N4BP2: variants seen among roughly 807,000 people sequenced by gnomAD.
N4BP2 encodes NEDD4-binding protein 2.
N4BP2 carries 91 observed loss-of-function variants against 152.8 expected under a neutral mutation model. That is an observed-to-expected ratio of 0.60 (90% confidence interval 0.50 to 0.71). The LOEUF (loss-of-function observed/expected upper bound fraction) is 0.71. Ranked by LOEUF, N4BP2 falls within the 30% of genes least tolerant of loss-of-function variation. The pLI, the probability that N4BP2 is intolerant of heterozygous loss-of-function variation, is 0.00. For missense variants in N4BP2, 1,923 were observed against 2,059.1 expected (o/e 0.93, Z 1.28); for synonymous variants, 646 against 705.3 (o/e 0.92, Z 1.33).
chr4:40,171,028 C>G, the N4BP2 span, among the ~76,000 whole-genome samples: 1 of 152,262 alleles, frequency 6.6e-6, no homozygotes, highest in African/African-American at 2.4e-5. Context: ...AATATTTCAG[C>G]AAAAGCAGAT....
intron 2 of N4BP2, among the ~76,000 whole-genome samples, chr4:40,088,954 TG>T (rs1376018138): frequency 3.3e-5 from 5 of 152,160 alleles, no homozygotes; most frequent in East Asian, 3.9e-4. Flanking sequence ...TTGTTTTTTT[TG>T]TGTGTGTTTT....
At chr4:40,154,100 T>A in intron 17 of N4BP2, 92 bp from the exon 18 acceptor site, 1 of 850,744 alleles carries the variant, frequency 1.2e-6, no homozygotes, top group Non-Finnish European at 1.9e-6. Context: ...AATATTATAT[T>A]AAGCGTAGGT....
chr4:40,126,450 T>C (rs1718418721), intron 12 of N4BP2, 120 bp downstream of exon 12: 1 of 524,728 alleles, frequency 1.9e-6, no homozygotes, highest in Admixed American at 4.1e-5. Context: ...TGATTGAATT[T>C]AATGTTAAAA....
At chr4:40,074,211 C>T (rs1712496765) in intron 2 of N4BP2, among the ~76,000 whole-genome samples, 1 of 110,302 alleles carries the variant, frequency 9.1e-6, no homozygotes, top group South Asian at 2.7e-4. Flanking sequence ...CTGCCTCAGC[C>T]TCCCAAGTAG....
chr4:40,059,771 G>A (rs537963769), intron 1 of N4BP2, among the ~76,000 whole-genome samples: 5 of 152,266 alleles, frequency 3.3e-5, no homozygotes, highest in African/African-American at 1.2e-4. Flanking sequence ...TTATGTGTAT[G>A]TACACACACA....
At chr4:40,084,431 G>A (rs146100707) in intron 2 of N4BP2, among the ~76,000 whole-genome samples, 1 of 142,318 alleles carries the variant, frequency 7.0e-6, no homozygotes, top group Non-Finnish European at 1.5e-5. Flanking sequence ...TGCCTGGTTT[G>A]AGATTTTTTT....
intron 4 of N4BP2, among the ~76,000 whole-genome samples, chr4:40,104,774 A>T (rs1716076324): frequency 6.6e-6 from 1 of 151,754 alleles, no homozygotes; most frequent in African/African-American, 2.4e-5. Flanking sequence ...GAGAAATAAC[A>T]GGAAGAGTGT....
chr4:40,060,833 G>T (rs889747536), intron 1 of N4BP2, among the ~76,000 whole-genome samples: 2 of 152,072 alleles, frequency 1.3e-5, no homozygotes, highest in Admixed American at 6.6e-5. Flanking sequence ...ACAAACTTGT[G>T]GGCTCAAGCA....
Position 40,154,359 on chromosome 4 carries a change from CAA to C in N4BP2, c.*128_*129del, listed in dbSNP as rs1325923138. 3 of 568,854 alleles carry C rather than the reference CAA, an allele frequency of 5.3e-6. No individual in the cohort carries two copies. The highest frequency in any genetic ancestry group is 2.0e-5 in the African/African-American group (1 of 50,546). 35.2% of individuals were successfully genotyped at this position (568,854 alleles called of 1,614,324 possible). On this transcript the variant is annotated 3_prime_UTR_variant, in exon 18 of 18. Transcript: ENST00000261435. ...TTATAAATAATATTCAATTATGAAA[CAA>C]AAAAATTATGATGTTTTTCAAAATG...
Position 40,155,075 on chromosome 4 carries a change from A to G in N4BP2, c.*838A>G, listed in dbSNP as rs1280694758. On this transcript the variant is annotated 3_prime_UTR_variant, in exon 18 of 18. Transcript: ENST00000261435. ...TAAAACTGCAGTAGGTTAAAATTCT[A>G]TTAAACAAATATAGAAAATATTTTG... 1 of 152,248 alleles carries G rather than the reference A, an allele frequency of 6.6e-6. No individual in the cohort carries two copies. The highest frequency in any genetic ancestry group is 2.4e-5 in the African/African-American group (1 of 41,472). The allele number at this position is 152,248 out of a possible 1,614,324, so 9.4% of individuals were successfully genotyped here.
At chr4:40,178,005 CA>C in the N4BP2 span, among the ~76,000 whole-genome samples, 2 of 151,886 alleles carry the variant, frequency 1.3e-5, no homozygotes, top group African/African-American at 4.8e-5. Context: ...AAAACAAAAA[CA>C]AAAAAACAGT....
chr4:40,173,393 A>C, the N4BP2 span, among the ~76,000 whole-genome samples: 1 of 152,206 alleles, frequency 6.6e-6, no homozygotes, highest in African/African-American at 2.4e-5. Flanking sequence ...TGCTGTGGGA[A>C]TACAACCCCT....
At chr4:40,182,637 G>A in the N4BP2 span, among the ~76,000 whole-genome samples, 4 of 151,598 alleles carry the variant, frequency 2.6e-5, no homozygotes, top group East Asian at 5.8e-4. Flanking sequence ...TTGTAGAGAC[G>A]AGGTTTCGCC....
the N4BP2 span, chr4:40,166,871 G>A: frequency 6.6e-6 from 1 of 152,170 alleles, no homozygotes; most frequent in Admixed American, 6.5e-5. Context: ...TTTATCCTTT[G>A]TGTTACAAAC....
downstream of N4BP2, among the ~76,000 whole-genome samples, chr4:40,162,179 C>G (rs1053110034): frequency 6.6e-6 from 1 of 152,072 alleles, no homozygotes; most frequent in African/African-American, 2.4e-5. Context: ...GGGAAATGTT[C>G]TTTTAAACTT....
intron 2 of N4BP2, among the ~76,000 whole-genome samples, chr4:40,075,166 CATT>C (rs1712604494): frequency 6.6e-6 from 1 of 152,000 alleles, no homozygotes; most frequent in South Asian, 2.1e-4. Flanking sequence ...TCTCAAGAAA[CATT>C]ATTAGTTGTA....
intron 16 of N4BP2, among the ~76,000 whole-genome samples, chr4:40,151,225 G>C (rs1156730106): frequency 6.6e-6 from 1 of 152,194 alleles, no homozygotes; most frequent in East Asian, 1.9e-4. Context: ...GGGAGCCATA[G>C]TGAAGAGTGT....
At chr4:40,128,647 C>G (rs1026707744) in intron 12 of N4BP2, among the ~76,000 whole-genome samples, 2 of 151,872 alleles carry the variant, frequency 1.3e-5, no homozygotes, top group African/African-American at 4.8e-5. Context: ...CCTGCCTCAG[C>G]TTCCCAAGTA....
At chr4:40,158,672 C>G (rs1478010502), downstream of N4BP2, among the ~76,000 whole-genome samples, 2 of 152,018 alleles carry the variant, frequency 1.3e-5, no homozygotes, top group African/African-American at 4.8e-5. Flanking sequence ...CACCTGTAAT[C>G]CCAGGCATGA....
Sources: gnomAD v4.1 joint callset for allele counts (sites outside exome capture counted in the v4.1 genomes callset) on GRCh38, gnomAD v4.1.1 for gene constraint, MANE v1.5 for transcripts, NCBI Gene and HGNC (gene_info 2026-07-23, HGNC 2026-07-21) for gene names.